The following TSHZ2 variants were observed in gnomAD, a reference collection of about 807,000 sequenced individuals.
The protein encoded by TSHZ2 is teashirt zinc finger homeobox 2, also known as teashirt homolog 2.
TSHZ2 carries 21 observed loss-of-function variants against 74.4 expected under a neutral mutation model. The observed-to-expected ratio is 0.28, with a 90% CI of 0.20 to 0.41. The LOEUF (loss-of-function observed/expected upper bound fraction) is 0.41. Among genes scored for constraint, TSHZ2 ranks in the 10% least tolerant of loss-of-function variants. The pLI, the probability that TSHZ2 is intolerant of heterozygous loss-of-function variation, is 1.00. For synonymous variants in TSHZ2, 540 were observed against 515.3 expected, an observed-to-expected ratio of 1.05 and a Z score of -0.65; for missense variants, 1,244 against 1,293.5, an observed-to-expected ratio of 0.96 and a Z score of 0.59.
intron 1 of TSHZ2, among the ~76,000 whole-genome samples, chr20:53,122,519 G>A (rs138437822): frequency 6.6e-6 from 1 of 152,032 alleles, no homozygotes; most frequent in East Asian, 1.9e-4. Flanking sequence ...CTTTTACGGG[G>A]TCCTCTTTCC....
chr20:53,009,764 C>T lies in TSHZ2; in HGVS notation c.40+36431C>T, dbSNP rs1982782276. On this transcript the variant is annotated intron_variant, in intron 1 of 2. Coordinates refer to ENST00000371497, the MANE Select transcript of TSHZ2 (RefSeq NM_173485.6). ...AGATATCTTGTTGAAGGCAAATTTC[C>T]ATGTTATTTCAATGGCAAATGGCAG... Among the ~76,000 whole-genome samples, 3 of 152,092 alleles carry T rather than the reference C, an allele frequency of 2.0e-5. No homozygotes were observed. The South Asian group carries it at 6.2e-4, about 32-fold the overall frequency.
chr20:53,319,898 A>G (rs752328228), intron 2 of TSHZ2, among the ~76,000 whole-genome samples: 1 of 152,080 alleles, frequency 6.6e-6, no homozygotes, highest in Non-Finnish European at 1.5e-5. Flanking sequence ...ACTGATTATT[A>G]CTCTACAGTG....
chr20:53,002,482 C>T (rs577865039), intron 1 of TSHZ2, among the ~76,000 whole-genome samples: 2 of 152,212 alleles, frequency 1.3e-5, no homozygotes, highest in African/African-American at 2.4e-5. Flanking sequence ...GAAAAATAAA[C>T]CAAGGCTCAA....
intron 1 of TSHZ2, among the ~76,000 whole-genome samples, chr20:53,177,227 A>C (rs1468369851): frequency 6.6e-6 from 1 of 152,198 alleles, no homozygotes; most frequent in Non-Finnish European, 1.5e-5. Context: ...CAGGGGTAAA[A>C]GGACACCTAA....
intron 1 of TSHZ2, among the ~76,000 whole-genome samples, chr20:53,190,756 C>A (rs182205752): frequency 4.2e-4 from 64 of 152,278 alleles, no homozygotes; most frequent in Admixed American, 1.2e-3. Context: ...CACCGGATTT[C>A]AAACCCACAT....
Position 53,356,179 on chromosome 20 carries a change from C to G in TSHZ2, c.*8+99608C>G, listed in dbSNP as rs1980840131. Among the ~76,000 whole-genome samples, 4 of 152,174 alleles carry G rather than the reference C, an allele frequency of 2.6e-5. No individual in the cohort carries two copies. The South Asian group carries it at 8.3e-4, about 32-fold the overall frequency. The stretch of plus-strand genomic sequence containing the variant: ...CATTCTACCTTAATAAGAATAAAGT[C>G]AGCCAATACTGTTGACTTACTATTC... On this transcript the variant is annotated intron_variant, in intron 2 of 2. Coordinates refer to ENST00000371497, the MANE Select transcript of TSHZ2 (RefSeq NM_173485.6).
At chr20:53,170,020 G>T (rs1263984790) in intron 1 of TSHZ2, among the ~76,000 whole-genome samples, 1 of 152,068 alleles carries the variant, frequency 6.6e-6, no homozygotes, top group East Asian at 1.9e-4. Context: ...AATGCTACTT[G>T]TCTTCAAGAA....
chr20:53,284,222 A>G (rs900730063), intron 2 of TSHZ2, among the ~76,000 whole-genome samples: 17 of 152,204 alleles, frequency 1.1e-4, no homozygotes, highest in African/African-American at 3.9e-4. Flanking sequence ...CGCCACCTCC[A>G]TCTTAGTTAC....
intron 1 of TSHZ2, among the ~76,000 whole-genome samples, chr20:53,031,278 G>A (rs1983627012): frequency 6.6e-6 from 1 of 152,172 alleles, no homozygotes; most frequent in South Asian, 2.1e-4. Flanking sequence ...GGGCCTGGAG[G>A]TCCTCTCTGA....
chr20:52,990,549 C>T (rs759439092), intron 1 of TSHZ2, among the ~76,000 whole-genome samples: 7 of 152,108 alleles, frequency 4.6e-5, no homozygotes, highest in Non-Finnish European at 1.0e-4. Context: ...ATAGATCAAG[C>T]TTCAGAGCTG....
At chr20:53,127,856 C>T (rs975813842) in intron 1 of TSHZ2, among the ~76,000 whole-genome samples, 14 of 152,210 alleles carry the variant, frequency 9.2e-5, no homozygotes, top group Non-Finnish European at 2.9e-5. Flanking sequence ...TGAACCCTGA[C>T]TTGCTGGATC....
At chr20:53,295,752 G>A (rs928877134) in intron 2 of TSHZ2, among the ~76,000 whole-genome samples, 8 of 152,138 alleles carry the variant, frequency 5.3e-5, no homozygotes, top group African/African-American at 1.9e-4. Context: ...GCTGAGCTCT[G>A]GTTTCTCTTT....
intron 1 of TSHZ2, among the ~76,000 whole-genome samples, chr20:53,155,622 T>C (rs2123451119): frequency 1.3e-5 from 2 of 152,042 alleles, no homozygotes; most frequent in East Asian, 3.9e-4. Context: ...GAAAACTCAA[T>C]GCACAATATC....
chr20:53,358,304 A>G (rs560632583), intron 2 of TSHZ2, among the ~76,000 whole-genome samples: 23 of 46,400 alleles, frequency 5.0e-4, no homozygotes, highest in Non-Finnish European at 9.0e-4. Context: ...GACCAGGCAG[A>G]AAAAAAAAAA....
chr20:53,322,550 C>T (rs977809833), intron 2 of TSHZ2, among the ~76,000 whole-genome samples: 2 of 152,104 alleles, frequency 1.3e-5, no homozygotes, highest in African/African-American at 4.8e-5. Context: ...ACTTTAGTCC[C>T]GCTCTTCTGT....
intron 2 of TSHZ2, among the ~76,000 whole-genome samples, chr20:53,309,091 C>T (rs1308493806): frequency 2.0e-5 from 3 of 152,136 alleles, no homozygotes; most frequent in South Asian, 2.1e-4. Context: ...ACACCACCCC[C>T]GAAAATGGCA....
chr20:53,271,886 G>A (rs1383410467), intron 2 of TSHZ2, among the ~76,000 whole-genome samples: 1 of 152,156 alleles, frequency 6.6e-6, no homozygotes, highest in East Asian at 1.9e-4. Flanking sequence ...GCTTCTCCTT[G>A]GGTGCACAAA....
At chr20:52,996,006 T>G (rs904619148) in intron 1 of TSHZ2, among the ~76,000 whole-genome samples, 13 of 152,226 alleles carry the variant, frequency 8.5e-5, no homozygotes, top group Non-Finnish European at 1.6e-4. Context: ...GTGTTTTTAA[T>G]GCATGCTAAG....
At chr20:53,343,229 A>G (rs945144256) in intron 2 of TSHZ2, among the ~76,000 whole-genome samples, 9 of 151,450 alleles carry the variant, frequency 5.9e-5, no homozygotes, top group Admixed American at 3.9e-4. Context: ...AGCCTCCCAA[A>G]GTGCTGGGAT....
Sources: gnomAD v4.1 joint callset for allele counts (sites outside exome capture counted in the v4.1 genomes callset) on GRCh38, gnomAD v4.1.1 for gene constraint, MANE v1.5 for transcripts, NCBI Gene and HGNC (gene_info 2026-07-23, HGNC 2026-07-21) for gene names.